STPG2: variants seen among roughly 807,000 people sequenced by gnomAD.
The protein encoded by STPG2 is sperm tail PG-rich repeat containing 2.
In STPG2, 56 loss-of-function variants were observed where a neutral mutation model predicts 54.2. The observed-to-expected ratio is 1.03, with a 90% confidence interval of 0.83 to 1.29. The LOEUF is 1.29. STPG2 is among the 50% of genes most tolerant of loss of function. The probability of loss-of-function intolerance (pLI) is 0.00; values close to 1 mark genes in which losing one functional copy is unlikely to be tolerated. For synonymous variants in STPG2, 200 were observed against 181.8 expected, an observed-to-expected ratio of 1.10 and a Z score of -0.81; for missense variants, 596 against 544.9, an observed-to-expected ratio of 1.09 and a Z score of -0.93.
chr4:97,823,634 A>C (rs260893), intron 9 of STPG2, among the ~76,000 whole-genome samples: 88,632 of 151,924 alleles, frequency 0.58, 26,420 homozygotes, highest in East Asian at 0.74. Flanking sequence ...TCCAAGAACC[A>C]TCTCTTGGGG....
At chr4:97,840,264 T>C (rs895840437) in intron 9 of STPG2, among the ~76,000 whole-genome samples, 4 of 151,646 alleles carry the variant, frequency 2.6e-5, no homozygotes, top group Admixed American at 6.6e-5. Context: ...CTTTCTCCTC[T>C]AACAACTTTA....
intron 8 of STPG2, among the ~76,000 whole-genome samples, chr4:97,870,679 T>C (rs1216883893): frequency 6.6e-6 from 1 of 151,290 alleles, no homozygotes; most frequent in African/African-American, 2.4e-5. Flanking sequence ...AAAACAAAAA[T>C]TGCAGGAGAC....
At chr4:97,926,375 T>A (rs1732331009) in intron 8 of STPG2, among the ~76,000 whole-genome samples, 2 of 152,158 alleles carry the variant, frequency 1.3e-5, no homozygotes. Context: ...TCCTTCCATG[T>A]CCTTCCCATC....
chr4:97,454,881 A>C (rs1333036610), intron 4 of STPG2, among the ~76,000 whole-genome samples: 1 of 152,214 alleles, frequency 6.6e-6, no homozygotes, highest in African/African-American at 2.4e-5. Flanking sequence ...TATTCCTAAT[A>C]TAGAAAAAAT....
chr4:97,726,334 C>G (rs1258803348), intron 9 of STPG2, among the ~76,000 whole-genome samples: 1 of 151,782 alleles, frequency 6.6e-6, no homozygotes, highest in East Asian at 1.9e-4. Context: ...TCAAGTTTTG[C>G]AAAATGAAAA....
intron 5 of STPG2, among the ~76,000 whole-genome samples, chr4:98,096,147 C>T (rs551213777): frequency 6.6e-6 from 1 of 152,286 alleles, no homozygotes; most frequent in African/African-American, 2.4e-5. Flanking sequence ...GTAATCCCAG[C>T]ACTTTGGGAG....
At chr4:98,013,678 C>A (rs1735833330) in intron 5 of STPG2, among the ~76,000 whole-genome samples, 1 of 130,748 alleles carries the variant, frequency 7.6e-6, no homozygotes, top group Admixed American at 9.2e-5. Context: ...GATATGATTT[C>A]TTCATTGTTT....
chr4:98,077,717 G>A (rs116470471), intron 5 of STPG2, among the ~76,000 whole-genome samples: 2,142 of 152,204 alleles, frequency 0.014, 22 homozygotes, highest in Non-Finnish European at 0.02. Flanking sequence ...TACATGTTGC[G>A]TTGATAAATC....
intron 5 of STPG2, among the ~76,000 whole-genome samples, chr4:98,015,451 G>T (rs1200384833): frequency 1.3e-5 from 2 of 151,962 alleles, no homozygotes; most frequent in Non-Finnish European, 2.9e-5. Context: ...ACAAACATAG[G>T]AAAAAAAGTT....
At chr4:97,503,432 A>G (rs575940951) in intron 4 of STPG2, among the ~76,000 whole-genome samples, 6 of 152,106 alleles carry the variant, frequency 3.9e-5, no homozygotes, top group Non-Finnish European at 7.4e-5. Context: ...AATATATTTA[A>G]TATTTCAAAA....
At chr4:98,136,172 T>A (rs918375740) in intron 1 of STPG2, among the ~76,000 whole-genome samples, 18 of 151,542 alleles carry the variant, frequency 1.2e-4, no homozygotes, top group African/African-American at 3.6e-4. Flanking sequence ...ATCAAACTTA[T>A]AAAACAAAAA....
intron 4 of STPG2, among the ~76,000 whole-genome samples, chr4:98,108,622 A>G (rs1216018219): frequency 2.0e-5 from 3 of 152,078 alleles, no homozygotes; most frequent in Non-Finnish European, 4.4e-5. Context: ...TATCTACTTT[A>G]TAATTAAGGA....
intron 3 of STPG2, among the ~76,000 whole-genome samples, chr4:98,124,085 T>C (rs1299037361): frequency 2.0e-5 from 3 of 152,310 alleles, no homozygotes; most frequent in African/African-American, 4.8e-5. Context: ...TTGCCTGAGA[T>C]AGGTCTCTTG....
intron 9 of STPG2, among the ~76,000 whole-genome samples, chr4:97,834,522 A>T (rs1195334425): frequency 6.6e-6 from 1 of 152,014 alleles, no homozygotes; most frequent in Non-Finnish European, 1.5e-5. Context: ...AATTATTATT[A>T]TTCGTGCTGC....
At chr4:97,446,408 A>G (rs1476031575) in intron 4 of STPG2, among the ~76,000 whole-genome samples, 1 of 152,212 alleles carries the variant, frequency 6.6e-6, no homozygotes, top group Non-Finnish European at 1.5e-5. Flanking sequence ...CGATACAAAT[A>G]TATTGCTTTG....
intron 10 of STPG2, among the ~76,000 whole-genome samples, chr4:97,643,411 T>A (rs1721818740): frequency 6.6e-6 from 1 of 151,650 alleles, no homozygotes; most frequent in South Asian, 2.1e-4. Flanking sequence ...AGTTTCCTGA[T>A]GCATATCATC....
chr4:98,131,472 A>G (rs571683811), intron 2 of STPG2, among the ~76,000 whole-genome samples: 5 of 152,298 alleles, frequency 3.3e-5, no homozygotes, highest in Admixed American at 1.3e-4. Context: ...AAATATCTGC[A>G]ATTTAAATAT....
At chr4:98,028,298 A>G (rs1430429688) in intron 5 of STPG2, among the ~76,000 whole-genome samples, 1 of 152,152 alleles carries the variant, frequency 6.6e-6, no homozygotes. Flanking sequence ...TTCTTCCTTC[A>G]ATTTGTGCTT....
rs1448428292 is a variant in STPG2 at position 97,981,331 on chromosome 4, A to G, written c.613-13T>C. On this transcript the variant is annotated splice_polypyrimidine_tract_variant and intron_variant, in intron 5 of 10. Coordinates refer to ENST00000295268, the MANE Select transcript of STPG2 (RefSeq NM_174952.3). ...TAGGTAAAAATCTCTAGTGAAGAACAGGAAAATATGCCAATAAGAAAGTAT... is the reference window on the plus strand; with the variant it reads ...TAGGTAAAAATCTCTAGTGAAGAACGGGAAAATATGCCAATAAGAAAGTAT... 1 of 1,613,022 alleles carries G rather than the reference A, an allele frequency of 6.2e-7. No homozygotes were observed. The highest frequency in any genetic ancestry group is 2.2e-5 in the East Asian group (1 of 44,826).
Sources: allele counts gnomAD v4.1 joint callset (sites outside exome capture counted in the v4.1 genomes callset), GRCh38; gene constraint gnomAD v4.1.1; transcripts MANE v1.5; gene names NCBI Gene and HGNC (gene_info 2026-07-23, HGNC 2026-07-21).